MSTN: variants seen among roughly 807,000 people sequenced by gnomAD.
MSTN encodes growth/differentiation factor 8.
Under a neutral mutation model 32.3 loss-of-function variants are expected in MSTN, and 12 were observed. The observed-to-expected ratio is 0.37, with a 90% CI of 0.24 to 0.60. The LOEUF (loss-of-function observed/expected upper bound fraction) is 0.60. MSTN is among the 20% of genes least tolerant of loss of function. MSTN has a pLI of 0.67. For synonymous variants in MSTN, 168 were observed against 155.1 expected (o/e 1.08, Z -0.62); for missense variants, 403 against 450.3 (o/e 0.89, Z 0.95).
Position 190,057,213 on chromosome 2 carries a change from A to G in MSTN, c.*45T>C. On this transcript the variant is annotated 3_prime_UTR_variant, in exon 3 of 3. Coordinates refer to ENST00000260950, the MANE Select transcript of MSTN (RefSeq NM_005259.3). ...TCACAGCTTCAAAATTGTTGAGGGG[A>G]AAACCTTCCATGTTTTAGGAAGTTA... 1 of 1,609,968 alleles carries G rather than the reference A, an allele frequency of 6.2e-7. No individual in the cohort carries two copies. Among genetic ancestry groups the G allele is most frequent in the East Asian group, 2.2e-5 (1 of 44,798 alleles).
Position 190,062,246 on chromosome 2 carries a change from T to C in MSTN, c.351A>G (p.Thr117=). ...TACACTCTGTAGGCATGGTAATGATTGTTTCCGTTGTAGCGTGATAATCGT... is the reference window on the plus strand; with the variant it reads ...TACACTCTGTAGGCATGGTAATGATCGTTTCCGTTGTAGCGTGATAATCGT... ...EDDDYHATTE[T]IITMPTESDF... Residue 117 remains threonine (T), a synonymous_variant, in exon 1 of 3, where the codon ACA becomes ACG. Transcript: ENST00000260950. 6.2e-7 allele frequency: 1 copy of C among 1,613,064 alleles called. No homozygotes were observed. Among genetic ancestry groups the C allele is most frequent in the Non-Finnish European group, 8.5e-7 (1 of 1,179,238 alleles).
Position 190,056,352 on chromosome 2 carries a change from G to A in MSTN, c.*906C>T, listed in dbSNP as rs1436994049. On this transcript the variant is annotated 3_prime_UTR_variant, in exon 3 of 3. Transcript: ENST00000260950. ...CTTTTTATACAATATTGATAGAGTC[G>A]ATCATTTCTATTATTTTACCATAAA... The A allele has an allele frequency of 6.6e-6, 1 of 152,482 alleles. No individual in the cohort carries two copies. The highest frequency in any genetic ancestry group is 2.1e-4 in the South Asian group (1 of 4,812). The allele number at this position is 152,482 out of a possible 1,614,324, so 9.4% of individuals were successfully genotyped here. A position where few individuals can be genotyped will look rare whatever the true frequency, so the allele number is the denominator to read the frequency against.
intron 1 of MSTN, among the ~76,000 whole-genome samples, chr2:190,061,957 A>G (rs1394333437): frequency 1.3e-5 from 2 of 152,092 alleles, no homozygotes; most frequent in Non-Finnish European, 2.9e-5. Flanking sequence ...AAGCATAAGC[A>G]TGCTATCTAT....
In MSTN at chr2:190,062,576, A is replaced by G. The variant is rs147377735; in HGVS notation, c.21T>C (p.Cys7=). 132 of 1,612,252 alleles carry G rather than the reference A, an allele frequency of 8.2e-5. No homozygotes were observed. The highest frequency in any genetic ancestry group is 1.1e-4 in the Non-Finnish European group (129 of 1,179,122). The change falls in exon 1 of 3, where the codon TGT becomes TGC. Residue 7 remains cysteine, a synonymous_variant. Coordinates refer to ENST00000260950, the MANE Select transcript of MSTN (RefSeq NM_005259.3). Reference sequence around the variant, plus strand: ...TCAGCATAAACAGGTAAATATAAACACAGAGTTGCAGTTTTTGCATGATTT... The same window carrying G: ...TCAGCATAAACAGGTAAATATAAACGCAGAGTTGCAGTTTTTGCATGATTT... MQKLQL[C]VYIYLFMLIV...
chr2:190,055,950 T>G lies in MSTN; in HGVS notation c.*1308A>C, dbSNP rs1685415637. 2.0e-5 allele frequency: 3 copies of G among 152,548 alleles called. No homozygotes were observed. Among genetic ancestry groups the G allele is most frequent in the Non-Finnish European group, 2.9e-5 (2 of 68,000 alleles). 9.4% of individuals were successfully genotyped at this position (152,548 alleles called of 1,614,324 possible). On this transcript the variant is annotated 3_prime_UTR_variant, in exon 3 of 3. Coordinates refer to ENST00000260950, the MANE Select transcript of MSTN (RefSeq NM_005259.3). ...ATAGAGTCAATTATTTTGGTATACT[T>G]AGTAATGTTTTTGCAAGTATTAAAA...
Position 190,057,284 on chromosome 2 carries a change from C to G in MSTN, c.1102G>C (p.Val368Leu), listed in dbSNP as rs1475410773. 1 of 1,613,148 alleles carries G rather than the reference C, an allele frequency of 6.2e-7. No homozygotes were observed. Among genetic ancestry groups the G allele is most frequent in the African/African-American group, 1.3e-5 (1 of 74,856 alleles). The change falls in exon 3 of 3, where the codon GTA becomes CTA. Residue 368 changes from valine to leucine, a missense_variant. Physicochemically the swap from Val to Leu is conservative, Grantham distance 32 (BLOSUM62 1). Coordinates refer to ENST00000260950, the MANE Select transcript of MSTN (RefSeq NM_005259.3). ...CATGAGCACCCACAGCGGTCTACTA[C>G]CATCGCTGGAATTTTCCCATATATT... ...QIIYGKIPAMVVDRCGCS is the reference protein window; with the variant it reads ...QIIYGKIPAMLVDRCGCS
chr2:190,056,746 T>G lies in MSTN; in HGVS notation c.*512A>C, dbSNP rs1295451535. On this transcript the variant is annotated 3_prime_UTR_variant, in exon 3 of 3. Coordinates refer to ENST00000260950, the MANE Select transcript of MSTN (RefSeq NM_005259.3). ...TGTCAATTATAATAGGAATGGAAAT[T>G]GCATATGCTGCACCATCCCTATTTT... 6.3e-6 allele frequency: 1 copy of G among 158,120 alleles called. No individual in the cohort carries two copies. Among genetic ancestry groups the G allele is most frequent in the Non-Finnish European group, 1.4e-5 (1 of 71,298 alleles). The allele number at this position is 158,120 out of a possible 1,614,324, so 9.8% of individuals were successfully genotyped here.
At chr2:190,060,531 A>T (rs1685563566) in intron 1 of MSTN, 96 bp from the exon 2 acceptor site, 1 of 1,017,472 alleles carries the variant, frequency 9.8e-7, no homozygotes, top group Admixed American at 2.4e-5. Context: ...AATTAAGATA[A>T]TGTATGCCTA....
chr2:190,056,093 A>G lies in MSTN; in HGVS notation c.*1165T>C, dbSNP rs989453148. ...TAATCATGTAAAAAAATATAAAATG[A>G]TTGTAATATAACCATCTAATCATTA... On this transcript the variant is annotated 3_prime_UTR_variant, in exon 3 of 3. Coordinates refer to ENST00000260950, the MANE Select transcript of MSTN (RefSeq NM_005259.3). The G allele has an allele frequency of 1.3e-5, 2 of 152,458 alleles. No homozygotes were observed. Among genetic ancestry groups the G allele is most frequent in the African/African-American group, 2.4e-5 (1 of 41,380 alleles). 9.4% of individuals were successfully genotyped at this position (152,458 alleles called of 1,614,324 possible).
rs965957357 is a variant in MSTN, at chr2:190,057,539, G to A, written c.847C>T (p.Arg283Cys). Residue 283 changes from arginine (R) to cysteine (C), a missense_variant, in exon 3 of 3, where the codon CGT (arginine) becomes TGT (cysteine). Coordinates refer to ENST00000260950, the MANE Select transcript of MSTN (RefSeq NM_005259.3). ...DEHSTESRCC[R>C]YPLTVDFEAF... ...TCAAAATCCACAGTTAGAGGGTAAC[G>A]ACAGCATCGTGATTCTGTTGAGTGC... is the stretch of plus-strand genomic sequence containing the variant. The A allele has an allele frequency of 2.8e-5, 45 of 1,613,366 alleles. No homozygotes were observed. Among genetic ancestry groups the A allele is most frequent in the Non-Finnish European group, 3.6e-5 (43 of 1,179,576 alleles).
At position 190,057,391 on chromosome 2, in the gene MSTN, G is replaced by A. The variant is rs757027065; in HGVS notation, c.995C>T (p.Pro332Leu). ...ACAGCAAGGGCCTGCTGAACCTCTGGGGTTTGCTTGGTGTACCAGATGAGT... is the reference window on the plus strand; with the variant it reads ...ACAGCAAGGGCCTGCTGAACCTCTGAGGTTTGCTTGGTGTACCAGATGAGT... ...PHTHLVHQAN[P>L]RGSAGPCCTP... The change falls in exon 3 of 3, where the codon CCC becomes CTC. Residue 332 changes from proline (P) to leucine (L), a missense_variant. Coordinates refer to ENST00000260950, the MANE Select transcript of MSTN (RefSeq NM_005259.3). 4.3e-6 allele frequency: 7 copies of A among 1,613,446 alleles called. No homozygotes were observed. The highest frequency in any genetic ancestry group is 5.9e-6 in the Non-Finnish European group (7 of 1,179,628).
At chr2:190,059,403 C>T (rs1032902715) in intron 2 of MSTN, among the ~76,000 whole-genome samples, 1 of 151,884 alleles carries the variant, frequency 6.6e-6, no homozygotes, top group African/African-American at 2.4e-5. Context: ...GCTAAGGCAG[C>T]TCAGAAATAA....
chr2:190,056,937 T>A lies in MSTN; in HGVS notation c.*321A>T, dbSNP rs1685449675. 3.5e-6 allele frequency: 1 copy of A among 287,692 alleles called. No homozygotes were observed. Among genetic ancestry groups the A allele is most frequent in the Non-Finnish European group, 6.6e-6 (1 of 151,814 alleles). 17.8% of individuals were successfully genotyped at this position (287,692 alleles called of 1,614,324 possible). A position where few individuals can be genotyped will look rare whatever the true frequency, so the allele number is the denominator to read the frequency against. On this transcript the variant is annotated 3_prime_UTR_variant, in exon 3 of 3. Coordinates refer to ENST00000260950, the MANE Select transcript of MSTN (RefSeq NM_005259.3). ...TAAAGAAATAGACTTTAAAGCATAC[T>A]CCTTTAATTCATCAGAACTCAAGGA...
At chr2:190,058,199 G>C (rs1239260406) in intron 2 of MSTN, among the ~76,000 whole-genome samples, 3 of 151,958 alleles carry the variant, frequency 2.0e-5, no homozygotes, top group Non-Finnish European at 4.4e-5. Context: ...TCTTTCACTG[G>C]AAAATGTTTC....
In MSTN at chr2:190,057,643, T is replaced by C. The variant is rs1303870290; in HGVS notation, c.748-5A>G. On this transcript the variant is annotated splice_polypyrimidine_tract_variant and splice_region_variant and intron_variant, in intron 2 of 2. Transcript: ENST00000260950. ...CTTGACCTCTAAAAACGGATTCTGT[T>C]TGAAAAGGAAAGAACAATCAGTAAT... 6.2e-7 allele frequency: 1 copy of C among 1,612,914 alleles called. No individual in the cohort carries two copies. Among genetic ancestry groups the C allele is most frequent in the Admixed American group, 1.7e-5 (1 of 59,892 alleles).
intron 1 of MSTN, among the ~76,000 whole-genome samples, chr2:190,061,432 C>T (rs1370635309): frequency 6.6e-6 from 1 of 151,408 alleles, no homozygotes; most frequent in African/African-American, 2.4e-5. Context: ...GGTAAAAGCC[C>T]TCCCTCTCAG....
rs1279763014 is a variant in MSTN at position 190,056,172 on chromosome 2, A to G, written c.*1086T>C. ...ATCTGCTAATTTGCTCTGAAATATA[A>G]GTAGTTGCTTTTCTGTGATGCATGA... On this transcript the variant is annotated 3_prime_UTR_variant, in exon 3 of 3. Coordinates refer to ENST00000260950, the MANE Select transcript of MSTN (RefSeq NM_005259.3). The G allele has an allele frequency of 6.6e-6, 1 of 152,542 alleles. No individual in the cohort carries two copies. The highest frequency in any genetic ancestry group is 2.4e-5 in the African/African-American group (1 of 41,452). 9.4% of individuals were successfully genotyped at this position (152,542 alleles called of 1,614,324 possible).
Position 190,057,168 on chromosome 2 carries a change from A to T in MSTN, c.*90T>A. 1 of 1,423,748 alleles carries T rather than the reference A, an allele frequency of 7.0e-7. No homozygotes were observed. 88.2% of individuals were successfully genotyped at this position (1,423,748 alleles called of 1,614,324 possible). A position where few individuals can be genotyped will look rare whatever the true frequency, so the allele number is the denominator to read the frequency against. On this transcript the variant is annotated 3_prime_UTR_variant, in exon 3 of 3. Transcript: ENST00000260950. ...AGTGACTGTAGCATACTCTAGGCCT[A>T]TAGCCTGTGGTACTTAATTTCACAG... is the stretch of plus-strand genomic sequence containing the variant.
intron 1 of MSTN, among the ~76,000 whole-genome samples, chr2:190,061,206 A>G (rs1427064705): frequency 6.6e-6 from 1 of 152,076 alleles, no homozygotes; most frequent in East Asian, 1.9e-4. Flanking sequence ...TGATTACTTA[A>G]TAAGGGAAAT....
Sources: allele counts gnomAD v4.1 joint callset (sites outside exome capture counted in the v4.1 genomes callset), GRCh38; gene constraint gnomAD v4.1.1; transcripts MANE v1.5; gene names NCBI Gene and HGNC (gene_info 2026-07-23, HGNC 2026-07-21).